TENM2: variants seen among roughly 807,000 people sequenced by gnomAD.
TENM2 encodes teneurin transmembrane protein 2.
A neutral mutation model predicts 245.2 loss-of-function variants in TENM2; 52 were observed. That is an observed-to-expected ratio of 0.21 (90% CI 0.17 to 0.27). The LOEUF is 0.27. TENM2 is among the 10% of genes least tolerant of loss of function. The probability of loss-of-function intolerance (pLI) is 1.00; values close to 1 mark genes in which losing one functional copy is unlikely to be tolerated. For missense variants in TENM2, 3,046 were observed against 3,666.8 expected (o/e 0.83, Z 4.37); for synonymous variants, 1,363 against 1,438.9 (o/e 0.95, Z 1.19).
At chr5:167,233,562 C>A in the TENM2 span, among the ~76,000 whole-genome samples, 5 of 152,068 alleles carry the variant, frequency 3.3e-5, no homozygotes, top group Non-Finnish European at 7.4e-5. Context: ...AGTCTAAAAG[C>A]AAATCTACTT....
chr5:167,179,667 A>T, the TENM2 span, among the ~76,000 whole-genome samples: 3 of 152,124 alleles, frequency 2.0e-5, no homozygotes, highest in African/African-American at 7.2e-5. Flanking sequence ...TGACTTCATT[A>T]GGAATGTCTT....
rs763625082 is a variant in TENM2, at chr5:168,147,193, G to T, written c.2423-15418G>T. Among the ~76,000 whole-genome samples the T allele has an allele frequency of 2.6e-5, 4 of 152,294 alleles. 1 individual carries two copies. Among genetic ancestry groups the T allele is most frequent in the African/African-American group, 9.6e-5 (4 of 41,562 alleles). On this transcript the variant is annotated intron_variant, in intron 12 of 28. Transcript: ENST00000518659. Reference sequence around the variant, plus strand: ...AAAACAATTCAGAGTTAGCGTTCTCGCAGCAACTGTAACTCTGCCATGACT... The same window carrying T: ...AAAACAATTCAGAGTTAGCGTTCTCTCAGCAACTGTAACTCTGCCATGACT...
intron 3 of TENM2, among the ~76,000 whole-genome samples, chr5:167,878,718 C>T (rs915221354): frequency 3.3e-5 from 5 of 152,036 alleles, no homozygotes; most frequent in South Asian, 2.1e-4. Flanking sequence ...GAGTTTGACA[C>T]GGAAGATGCA....
At chr5:167,880,892 G>A (rs1294805410) in intron 3 of TENM2, among the ~76,000 whole-genome samples, 1 of 152,120 alleles carries the variant, frequency 6.6e-6, no homozygotes, top group Non-Finnish European at 1.5e-5. Context: ...AATTTTTATG[G>A]GAATTAGCAG....
chr5:167,044,911 C>G, the TENM2 span, among the ~76,000 whole-genome samples: 1 of 152,182 alleles, frequency 6.6e-6, no homozygotes, highest in East Asian at 1.9e-4. Context: ...GTGGACAACT[C>G]TTCCAGCTTG....
chr5:168,199,775 A>G (rs1761771469), intron 16 of TENM2, 89 bp from the exon 19 acceptor site: 1 of 1,403,202 alleles, frequency 7.1e-7, no homozygotes, highest in African/African-American at 1.4e-5. Context: ...TGCCTCAGTG[A>G]GGGACATAGC....
chr5:167,150,903 C>CCATTTAAGTACATTATTTAATGT, the TENM2 span, among the ~76,000 whole-genome samples: 1 of 152,044 alleles, frequency 6.6e-6, no homozygotes, highest in East Asian at 1.9e-4. Context: ...GTGAGCTTGG[C>CCATTTAAGTACATTATTTAATGT]CATTTAAGTA....
At chr5:167,396,249 G>A (rs1015402624) in intron 2 of TENM2, among the ~76,000 whole-genome samples, 1 of 151,946 alleles carries the variant, frequency 6.6e-6, no homozygotes. Flanking sequence ...AAAATGTGGT[G>A]TATACATACA....
Position 168,036,590 on chromosome 5 carries a change from C to T in TENM2, c.1187-10837C>T, listed in dbSNP as rs916644788. 1.7e-4 allele frequency among the ~76,000 whole-genome samples: 25 copies of T among 147,240 alleles called. No homozygotes were observed. The East Asian group carries it at 2.0e-3, about 12-fold the overall frequency. ...GGTGGAGGTTGCAGTGAGCCGAGATCGCACCATTGCACTCTAGCCTGGGCA... is the reference window on the plus strand; with the variant it reads ...GGTGGAGGTTGCAGTGAGCCGAGATTGCACCATTGCACTCTAGCCTGGGCA... On this transcript the variant is annotated intron_variant, in intron 5 of 28. Transcript: ENST00000518659.
At chr5:167,310,019 A>G (rs1339384119) in intron 1 of TENM2, 5 of 152,172 alleles carry the variant, frequency 3.3e-5, no homozygotes, top group Admixed American at 2.6e-4. Context: ...CCCTTTCTTT[A>G]TAAGTACTTA....
At chr5:167,079,674 C>T in the TENM2 span, among the ~76,000 whole-genome samples, 1 of 151,972 alleles carries the variant, frequency 6.6e-6, no homozygotes, top group African/African-American at 2.4e-5. Context: ...CAGCTCACAT[C>T]GGTATGTGAA....
At chr5:167,355,106 TTCTG>T (rs549820041) in intron 1 of TENM2, among the ~76,000 whole-genome samples, 122 of 152,346 alleles carry the variant, frequency 8.0e-4, no homozygotes, top group Non-Finnish European at 1.6e-3. Flanking sequence ...GACACAGATT[TTCTG>T]TCTGTTTCCG....
intron 2 of TENM2, among the ~76,000 whole-genome samples, chr5:167,385,842 T>A (rs1761396811): frequency 6.8e-6 from 1 of 147,094 alleles, no homozygotes; most frequent in Non-Finnish European, 1.5e-5. Flanking sequence ...TGAGTAGTAT[T>A]CCATTATATA....
At chr5:167,233,092 A>AT in the TENM2 span, among the ~76,000 whole-genome samples, 1 of 152,220 alleles carries the variant, frequency 6.6e-6, no homozygotes, top group African/African-American at 2.4e-5. Flanking sequence ...GGCAGCAACA[A>AT]TAAATACTCT....
At chr5:167,939,796 G>A (rs1181785284) in intron 3 of TENM2, among the ~76,000 whole-genome samples, 7 of 152,164 alleles carry the variant, frequency 4.6e-5, no homozygotes, top group African/African-American at 1.7e-4. Flanking sequence ...TTCTGTATCG[G>A]CAACTACGCA....
intron 5 of TENM2, among the ~76,000 whole-genome samples, chr5:168,013,555 G>A (rs1337381411): frequency 1.3e-5 from 2 of 152,168 alleles, no homozygotes; most frequent in Non-Finnish European, 2.9e-5. Context: ...AGTGAGCCGA[G>A]ATCGTGCCAC....
intron 1 of TENM2, among the ~76,000 whole-genome samples, chr5:167,314,882 C>T (rs1346947590): frequency 6.6e-6 from 1 of 151,920 alleles, no homozygotes; most frequent in Non-Finnish European, 1.5e-5. Context: ...TATCTGGATA[C>T]ATTTTTATAC....
chr5:167,975,106 A>G (rs2617985), intron 4 of TENM2, among the ~76,000 whole-genome samples: 1 of 152,126 alleles, frequency 6.6e-6, no homozygotes, highest in Admixed American at 6.5e-5. Context: ...TTAGTCTAAC[A>G]TGCCACCTCC....
intron 5 of TENM2, among the ~76,000 whole-genome samples, chr5:167,999,719 T>C (rs912809487): frequency 6.6e-6 from 1 of 152,222 alleles, no homozygotes; most frequent in African/African-American, 2.4e-5. Context: ...GAGATGCCTT[T>C]GCTTTCCTCT....
Sources: allele counts gnomAD v4.1 joint callset (sites outside exome capture counted in the v4.1 genomes callset), GRCh38; gene constraint gnomAD v4.1.1; transcripts MANE v1.5; gene names NCBI Gene and HGNC (gene_info 2026-07-23, HGNC 2026-07-21).